Variants in DTNA observed in about 807,000 individuals in gnomAD.
DTNA encodes the protein dystrophin-related protein 3.
In DTNA, 43 loss-of-function variants were observed where a neutral mutation model predicts 100.7. The observed-to-expected ratio is 0.43, with a 90% confidence interval of 0.33 to 0.55. The LOEUF is 0.55. DTNA is among the 20% of genes least tolerant of loss of function. DTNA has a pLI of 0.04. For missense variants in DTNA, 798 were observed against 953.9 expected (o/e 0.84, Z 2.15); for synonymous variants, 349 against 347.9 (o/e 1.00, Z -0.04).
chr18:34,504,192 C>T (rs1226358615), intron 1 of DTNA: 1 of 151,802 alleles, frequency 6.6e-6, no homozygotes, highest in Non-Finnish European at 1.5e-5. Context: ...TTTTAATCAT[C>T]ACTCTAAGTA....
intron 1 of DTNA, among the ~76,000 whole-genome samples, chr18:34,570,193 C>T (rs1458087693): frequency 6.6e-6 from 1 of 152,146 alleles, no homozygotes; most frequent in African/African-American, 2.4e-5. Context: ...AAATCTAAGC[C>T]ACTGAGTATA....
intron 1 of DTNA, among the ~76,000 whole-genome samples, chr18:34,669,244 G>C (rs924088030): frequency 2.6e-5 from 4 of 152,056 alleles, no homozygotes; most frequent in African/African-American, 4.8e-5. Flanking sequence ...GACTAGGATT[G>C]CAACCCCTGC....
chr18:34,824,525 A>G (rs2095808139), intron 9 of DTNA, among the ~76,000 whole-genome samples: 1 of 152,156 alleles, frequency 6.6e-6, no homozygotes, highest in African/African-American at 2.4e-5. Flanking sequence ...ATACCTACGT[A>G]ACAAACCTGC....
chr18:34,724,023 A>T (rs2086005539), intron 1 of DTNA, among the ~76,000 whole-genome samples: 1 of 152,232 alleles, frequency 6.6e-6, no homozygotes, highest in Non-Finnish European at 1.5e-5. Context: ...ATTCTTAGAT[A>T]TGTTATTGTC....
At chr18:34,604,862 T>C (rs1286129680) in intron 1 of DTNA, among the ~76,000 whole-genome samples, 1 of 152,144 alleles carries the variant, frequency 6.6e-6, no homozygotes, top group African/African-American at 2.4e-5. Context: ...AAAGACACAA[T>C]GTAGCTTCCC....
intron 22 of DTNA, among the ~76,000 whole-genome samples, chr18:34,887,408 T>C (rs143488842): frequency 2.0e-5 from 3 of 152,236 alleles, no homozygotes; most frequent in African/African-American, 7.2e-5. Flanking sequence ...CCAAAGTAGA[T>C]TTTTTAAAAA....
intron 4 of DTNA, among the ~76,000 whole-genome samples, chr18:34,801,828 A>C (rs1397411953): frequency 6.6e-6 from 1 of 152,202 alleles, no homozygotes; most frequent in Non-Finnish European, 1.5e-5. Context: ...TTTAATAATA[A>C]AATGATATAC....
At chr18:34,559,243 G>A (rs2046410136) in intron 1 of DTNA, among the ~76,000 whole-genome samples, 1 of 152,178 alleles carries the variant, frequency 6.6e-6, no homozygotes, top group African/African-American at 2.4e-5. Context: ...TAAACTAATT[G>A]TTTCAAAGTT....
At chr18:34,789,931 T>C (rs181473039) in intron 3 of DTNA, among the ~76,000 whole-genome samples, 18 of 152,302 alleles carry the variant, frequency 1.2e-4, no homozygotes, top group Admixed American at 8.5e-4. Flanking sequence ...ATAGTAATCA[T>C]CCGAAAGTAG....
intron 1 of DTNA, among the ~76,000 whole-genome samples, chr18:34,596,757 C>G (rs1478771385): frequency 2.0e-5 from 3 of 152,014 alleles, no homozygotes; most frequent in Non-Finnish European, 2.9e-5. Flanking sequence ...TAGTTGTGAC[C>G]TGATATATTC....
At position 34,534,873 on chromosome 18, in the gene DTNA, T is replaced by C. The variant is rs563738726; in HGVS notation, c.-2+41359T>C. ...TTCCATGGTATATATGTGCCACATT[T>C]TCTTTATCCAGTCTATCATTGATGG... On this transcript the variant is annotated intron_variant, in intron 1 of 19. Coordinates refer to the DTNA transcript ENST00000283365. Among the ~76,000 whole-genome samples, 58 of 152,204 alleles carry C rather than the reference T, an allele frequency of 3.8e-4. 1 individual carries two copies. The highest frequency in any genetic ancestry group is 7.5e-4 in the Non-Finnish European group (51 of 68,044).
chr18:34,832,664 T>A (rs995843566), intron 11 of DTNA, among the ~76,000 whole-genome samples: 1 of 152,240 alleles, frequency 6.6e-6, no homozygotes, highest in African/African-American at 2.4e-5. Flanking sequence ...CCAGCCTGAA[T>A]TGATGACAGC....
chr18:34,662,148 T>G (rs2075291433), intron 1 of DTNA, among the ~76,000 whole-genome samples: 1 of 151,948 alleles, frequency 6.6e-6, no homozygotes, highest in South Asian at 2.1e-4. Context: ...TTTTTTTTTT[T>G]TGTACTCAGG....
At position 34,801,144 on chromosome 18, in the gene DTNA, T is replaced by C. The variant is rs1397533781; in HGVS notation, c.363-5075T>C. 3.3e-5 allele frequency among the ~76,000 whole-genome samples: 5 copies of C among 152,126 alleles called. No individual in the cohort carries two copies. In the East Asian group the frequency reaches 9.6e-4, roughly 29 times the overall value. On this transcript the variant is annotated intron_variant, in intron 4 of 22. Transcript: ENST00000444659. ...TAGAATAACTTGAAAAGTCTCAGAGTGAGAAAACAAAATGTAAAGGAAGAT... is the reference window on the plus strand; with the variant it reads ...TAGAATAACTTGAAAAGTCTCAGAGCGAGAAAACAAAATGTAAAGGAAGAT...
In DTNA at chr18:34,888,693, C is replaced by G; in HGVS notation, c.*959C>G. The G allele has an allele frequency of 1.0e-6, 1 of 985,818 alleles. No homozygotes were observed. The highest frequency in any genetic ancestry group is 4.7e-5 in the South Asian group (1 of 21,288). 61.1% of individuals were successfully genotyped at this position (985,818 alleles called of 1,614,324 possible). A position where few individuals can be genotyped will look rare whatever the true frequency, so the allele number is the denominator to read the frequency against. ...CCACAGGTGCCATAAGATCCCCAAACGGACTAAAGTTATCTCTGCTCTTCC... is the reference window on the plus strand; with the variant it reads ...CCACAGGTGCCATAAGATCCCCAAAGGGACTAAAGTTATCTCTGCTCTTCC... On this transcript the variant is annotated 3_prime_UTR_variant, in exon 23 of 23. Transcript: ENST00000444659.
At chr18:34,500,790 A>T (rs967147968) in intron 1 of DTNA, among the ~76,000 whole-genome samples, 6 of 152,056 alleles carry the variant, frequency 3.9e-5, no homozygotes, top group Admixed American at 2.6e-4. Flanking sequence ...GACGAATCAT[A>T]GTTGAGTATG....
chr18:34,842,249 C>T (rs1179285436), intron 13 of DTNA, among the ~76,000 whole-genome samples: 1 of 152,094 alleles, frequency 6.6e-6, no homozygotes, highest in African/African-American at 2.4e-5. Flanking sequence ...TAAAATTGTT[C>T]TGCTTATATT....
At chr18:34,704,349 C>G (rs1158004035) in intron 1 of DTNA, among the ~76,000 whole-genome samples, 1 of 152,210 alleles carries the variant, frequency 6.6e-6, no homozygotes, top group Non-Finnish European at 1.5e-5. Flanking sequence ...TTTTAGAGTA[C>G]ATCAGGCATT....
At chr18:34,560,209 A>G (rs1469108376) in intron 1 of DTNA, among the ~76,000 whole-genome samples, 3 of 152,160 alleles carry the variant, frequency 2.0e-5, no homozygotes, top group Non-Finnish European at 4.4e-5. Context: ...TTCATTTTAG[A>G]TATGTCTTCT....
Sources: allele counts gnomAD v4.1 joint callset (sites outside exome capture counted in the v4.1 genomes callset), GRCh38; gene constraint gnomAD v4.1.1; transcripts MANE v1.5; gene names NCBI Gene and HGNC (gene_info 2026-07-23, HGNC 2026-07-21).